ANKRD11: variants seen among roughly 807,000 people sequenced by gnomAD.
The protein encoded by ANKRD11 is ankyrin repeat domain 11, also known as ankyrin repeat domain-containing protein 11.
ANKRD11 carries 17 observed loss-of-function variants against 195.7 expected under a neutral mutation model. The observed-to-expected ratio is 0.09, with a 90% CI of 0.06 to 0.13. The LOEUF is 0.13. ANKRD11 is among the 10% of genes least tolerant of loss of function. The pLI is 1.00. For missense variants in ANKRD11, 3,735 were observed against 3,566.1 expected (o/e 1.05, Z -1.21); for synonymous variants, 1,953 against 1,528.1 (o/e 1.28, Z -6.49).
intron 1 of ANKRD11, among the ~76,000 whole-genome samples, chr16:89,438,717 C>T (rs575414982): frequency 6.6e-5 from 10 of 152,184 alleles, no homozygotes; most frequent in African/African-American, 1.7e-4. Context: ...ACAGTCCCTT[C>T]GAAGCTAAAG....
chr16:89,372,233 A>C (rs977172881), intron 2 of ANKRD11, among the ~76,000 whole-genome samples: 1 of 152,208 alleles, frequency 6.6e-6, no homozygotes, highest in Non-Finnish European at 1.5e-5. Flanking sequence ...GAGCTGGGGA[A>C]AGAGCCACAC....
chr16:89,351,725 G>A (rs1482320212), intron 2 of ANKRD11, among the ~76,000 whole-genome samples: 5 of 152,206 alleles, frequency 3.3e-5, no homozygotes, highest in African/African-American at 1.2e-4. Flanking sequence ...CAGACTCAGA[G>A]AGGACGCAGA....
rs375162144 is a variant in ANKRD11 at position 89,350,852 on chromosome 16, A to G, written c.-59-33774T>C. 5.9e-5 allele frequency among the ~76,000 whole-genome samples: 9 copies of G among 152,306 alleles called. No homozygotes were observed. The South Asian group carries it at 1.2e-3, about 21-fold the overall frequency. On this transcript the variant is annotated intron_variant, in intron 2 of 12. Transcript: ENST00000301030. ...TGGTATGTGCTACCATAAGATGCTAATGGAGTGGAACGGGTCCCATGGCAT... is the reference window on the plus strand; with the variant it reads ...TGGTATGTGCTACCATAAGATGCTAGTGGAGTGGAACGGGTCCCATGGCAT...
intron 7 of ANKRD11, chr16:89,288,221 G>A (rs1205172630): frequency 1.6e-6 from 1 of 612,006 alleles, no homozygotes; most frequent in Non-Finnish European, 2.9e-6. Flanking sequence ...AGCAACTCCT[G>A]CAGGCCTCCT....
intron 2 of ANKRD11, among the ~76,000 whole-genome samples, chr16:89,385,816 C>T (rs1442930488): frequency 6.6e-6 from 1 of 152,256 alleles, no homozygotes; most frequent in Non-Finnish European, 1.5e-5. Flanking sequence ...CCCGCCGCTG[C>T]GCAGCCAGAG....
In ANKRD11 at chr16:89,457,574, G is replaced by T. The variant is rs2056493296; in HGVS notation, c.-145+32671C>A. On this transcript the variant is annotated intron_variant, in intron 1 of 12. Coordinates refer to ENST00000301030, the MANE Select transcript of ANKRD11 (RefSeq NM_013275.6). ...GATCGCGCCACTGCACTCCAGCAAG[G>T]CTCCGTCTCAAGAAAAAAAAAAAAA... is the stretch of plus-strand genomic sequence containing the variant. Among the ~76,000 whole-genome samples the T allele has an allele frequency of 3.7e-5, 5 of 135,734 alleles. No homozygotes were observed. In the South Asian group the frequency reaches 1.1e-3, roughly 29 times the overall value. The allele number at this position is 135,734 out of a possible 152,430, so 89.0% of individuals were successfully genotyped here.
chr16:89,461,112 C>A (rs2056647321), intron 1 of ANKRD11, among the ~76,000 whole-genome samples: 1 of 143,700 alleles, frequency 7.0e-6, no homozygotes, highest in African/African-American at 2.6e-5. Flanking sequence ...TATCGTATGA[C>A]CCCCTCCCAT....
chr16:89,427,618 G>A (rs941785062), intron 1 of ANKRD11, among the ~76,000 whole-genome samples: 2 of 152,038 alleles, frequency 1.3e-5, no homozygotes, highest in East Asian at 1.9e-4. Flanking sequence ...CCAACATGGC[G>A]AAACCCCATC....
At position 89,304,998 on chromosome 16, in the gene ANKRD11, C is replaced by T. The variant is rs574911431; in HGVS notation, c.226+208G>A. 11 of 701,594 alleles carry T rather than the reference C, an allele frequency of 1.6e-5. No homozygotes were observed. In the East Asian group the frequency reaches 2.8e-4, roughly 18 times the overall value. 43.5% of individuals were successfully genotyped at this position (701,594 alleles called of 1,614,324 possible). On this transcript the variant is annotated intron_variant, in intron 4 of 12. Transcript: ENST00000301030. The stretch of plus-strand genomic sequence containing the variant: ...GGACCCAAGAGTGAAGCTCTCCAAT[C>T]GGCCCCATGGGCCTGAGCCTCGGGT...
At position 89,414,086 on chromosome 16, in the gene ANKRD11, C is replaced by T. The variant is rs569002220; in HGVS notation, c.-60+4198G>A. ...CCAGGATGCCACAGGCACAGCTGCT[C>T]GGACTGCGCACTCGGGGACACTGAG... On this transcript the variant is annotated intron_variant, in intron 2 of 12. Transcript: ENST00000301030. Among the ~76,000 whole-genome samples the T allele has an allele frequency of 2.0e-5, 3 of 152,298 alleles. No individual in the cohort carries two copies. In the East Asian group the frequency reaches 5.8e-4, roughly 29 times the overall value.
chr16:89,343,198 C>G (rs2038774349), intron 2 of ANKRD11, among the ~76,000 whole-genome samples: 1 of 152,076 alleles, frequency 6.6e-6, no homozygotes, highest in African/African-American at 2.4e-5. Context: ...ACCATGTTGG[C>G]CAGGCTGGTC....
chr16:89,338,083 C>A (rs1386865261), intron 2 of ANKRD11, among the ~76,000 whole-genome samples: 3 of 152,200 alleles, frequency 2.0e-5, no homozygotes, highest in Admixed American at 6.5e-5. Context: ...CACTCAGGAG[C>A]CCCAGGGGCC....
chr16:89,321,803 C>T (rs941775768), intron 2 of ANKRD11, among the ~76,000 whole-genome samples: 3 of 152,120 alleles, frequency 2.0e-5, no homozygotes, highest in African/African-American at 2.4e-5. Context: ...GTTTGCACTG[C>T]GTGGGTTCAC....
At chr16:89,414,691 A>T (rs1054445634) in intron 2 of ANKRD11, among the ~76,000 whole-genome samples, 1 of 152,208 alleles carries the variant, frequency 6.6e-6, no homozygotes, top group Non-Finnish European at 1.5e-5. Context: ...CAGTCAGCCC[A>T]TCACACAAGG....
chr16:89,272,411 G>C (rs917185629), intron 11 of ANKRD11: 1 of 152,280 alleles, frequency 6.6e-6, no homozygotes, highest in South Asian at 2.1e-4. Flanking sequence ...CCAAAAGAAA[G>C]AAACTGGGGG....
Position 89,305,267 on chromosome 16 carries a change from G to A in ANKRD11, c.165C>T (p.Ala55=), listed in dbSNP as rs773571536. The change falls in exon 4 of 13, where the codon GCC becomes GCT. Residue 55 remains alanine (A), a synonymous_variant. Coordinates refer to ENST00000301030, the MANE Select transcript of ANKRD11 (RefSeq NM_013275.6). ...CGGTGAAGGGCAGCTTCCGCTTGCT[G>A]GCTCGCTCCCTCACCTCCTTCCCGC... ...GDGGKEVRER[A]SKRKLPFTAG... is the part of the protein sequence containing the mutation. The A allele has an allele frequency of 1.2e-6, 2 of 1,613,930 alleles. No individual in the cohort carries two copies. Among genetic ancestry groups the A allele is most frequent in the Non-Finnish European group, 8.5e-7 (1 of 1,179,902 alleles).
At chr16:89,295,980 GCTGC>G (rs1166987796) in intron 4 of ANKRD11, among the ~76,000 whole-genome samples, 2 of 25,938 alleles carry the variant, frequency 7.7e-5, no homozygotes, top group Non-Finnish European at 1.7e-4. Flanking sequence ...TCTCTATCTG[GCTGC>G]CTTTTTTTTT....
intron 1 of ANKRD11, among the ~76,000 whole-genome samples, chr16:89,462,999 T>A (rs1374669337): frequency 1.6e-5 from 2 of 121,442 alleles, no homozygotes; most frequent in Non-Finnish European, 3.5e-5. Context: ...GGGAGGGAGG[T>A]GGGGGGGTCA....
chr16:89,336,103 C>T (rs767857051), intron 2 of ANKRD11, among the ~76,000 whole-genome samples: 20 of 152,220 alleles, frequency 1.3e-4, no homozygotes, highest in African/African-American at 1.9e-4. Context: ...ATTTGCTGAT[C>T]GTTTTCAGCC....
Sources: allele counts gnomAD v4.1 joint callset (sites outside exome capture counted in the v4.1 genomes callset), GRCh38; gene constraint gnomAD v4.1.1; transcripts MANE v1.5; gene names NCBI Gene and HGNC (gene_info 2026-07-23, HGNC 2026-07-21).